GART: variants seen among roughly 807,000 people sequenced by gnomAD.
GART encodes the protein phosphoribosylglycinamide formyltransferase, phosphoribosylglycinamide synthetase, phosphoribosylaminoimidazole synthetase.
A neutral mutation model predicts 107.2 loss-of-function variants in GART; 43 were observed. The ratio of observed to expected loss-of-function variants is 0.40; its 90% CI spans 0.31 to 0.52. The LOEUF (loss-of-function observed/expected upper bound fraction) is 0.52, where lower values mean the gene tolerates loss of function less well. GART is among the 20% of genes least tolerant of loss of function. The probability of loss-of-function intolerance (pLI) is 0.52; values close to 1 mark genes in which losing one functional copy is unlikely to be tolerated. For synonymous variants in GART, 434 were observed against 427.0 expected, an observed-to-expected ratio of 1.02 and a Z score of -0.20; for missense variants, 1,107 against 1,206.5, an observed-to-expected ratio of 0.92 and a Z score of 1.22.
chr21:33,529,194 AGAAAT>A (rs2085135170), intron 7 of GART, among the ~76,000 whole-genome samples: 1 of 152,216 alleles, frequency 6.6e-6, no homozygotes, highest in Non-Finnish European at 1.5e-5. Flanking sequence ...GAAACGTAAT[AGAAAT>A]GAAACAAGTT....
chr21:33,504,368 C>T (rs901006215), intron 21 of GART, 44 bp downstream of exon 21: 3 of 1,608,452 alleles, frequency 1.9e-6, no homozygotes, highest in East Asian at 2.2e-5. Context: ...GTGTCATTTA[C>T]ATCTGACTAC....
rs940059159 is a variant in GART, at chr21:33,534,454, T to G, written c.416+125A>C. On this transcript the variant is annotated intron_variant, in intron 4 of 21. Coordinates refer to ENST00000381815, the MANE Select transcript of GART (RefSeq NM_000819.5). ...CTGGTCTCTAACTCCTGAGCTCAAG[T>G]GATTCACCTGCCTTGGCCTCCCAAA... 4 of 915,648 alleles carry G rather than the reference T, an allele frequency of 4.4e-6. No homozygotes were observed. In the South Asian group the frequency reaches 6.3e-5, roughly 15 times the overall value. 56.7% of individuals were successfully genotyped at this position (915,648 alleles called of 1,614,324 possible).
intron 14 of GART, chr21:33,518,968 TA>T: frequency 2.5e-6 from 1 of 395,292 alleles, no homozygotes; most frequent in Non-Finnish European, 5.0e-6. Context: ...TCTTCATTTG[TA>T]AACATACTCA....
rs1251212910 is a variant in GART at position 33,528,838 on chromosome 21, G to A, written c.811+12C>T. The A allele has an allele frequency of 2.5e-6, 4 of 1,578,428 alleles. 1 individual carries two copies. Among genetic ancestry groups the A allele is most frequent in the Admixed American group, 3.4e-5 (2 of 59,198 alleles). On this transcript the variant is annotated intron_variant, in intron 8 of 21. Transcript: ENST00000381815. Reference sequence around the variant, plus strand: ...CTATAGGTGGCTTCCATAGTAATGTGGGTGGGCCTACCTGTATATGGAGTA... The same window carrying A: ...CTATAGGTGGCTTCCATAGTAATGTAGGTGGGCCTACCTGTATATGGAGTA...
chr21:33,525,227 T>C lies in GART; in HGVS notation c.1067-227A>G, dbSNP rs1366934526. On this transcript the variant is annotated intron_variant, in intron 10 of 21. Transcript: ENST00000381815. ...GAGCAAGACCTCGCCTCTACATAAATAAATAAATAAATAAATAATAATAGC... is the reference window on the plus strand; with the variant it reads ...GAGCAAGACCTCGCCTCTACATAAACAAATAAATAAATAAATAATAATAGC... 2.7e-5 allele frequency among the ~76,000 whole-genome samples: 4 copies of C among 150,784 alleles called. No homozygotes were observed. The Admixed American group carries it at 2.7e-4, about 10-fold the overall frequency.
At chr21:33,519,040 T>C in intron 14 of GART, 1 of 294,524 alleles carries the variant, frequency 3.4e-6, no homozygotes, top group South Asian at 3.2e-5. Flanking sequence ...GAAGTTTTTA[T>C]CATCTGCTGT....
chr21:33,534,482 G>T, intron 4 of GART, 97 bp downstream of exon 4: 1 of 1,323,680 alleles, frequency 7.6e-7, no homozygotes. Context: ...CTCCCAAAGT[G>T]CTGGGATTAC....
intron 14 of GART, among the ~76,000 whole-genome samples, chr21:33,518,369 T>C (rs1214669167): frequency 6.6e-6 from 1 of 151,888 alleles, no homozygotes; most frequent in Non-Finnish European, 1.5e-5. Flanking sequence ...TCCCAGCTAC[T>C]TGGGAGGATG....
intron 18 of GART, among the ~76,000 whole-genome samples, chr21:33,506,330 G>C (rs896218610): frequency 6.6e-6 from 1 of 152,092 alleles, no homozygotes; most frequent in Non-Finnish European, 1.5e-5. Context: ...TTTTAGTAGA[G>C]ATGGGGTTTC....
intron 16 of GART, among the ~76,000 whole-genome samples, chr21:33,512,013 T>G (rs1033985290): frequency 1.3e-5 from 2 of 151,978 alleles, no homozygotes; most frequent in African/African-American, 4.8e-5. Context: ...TCCCAACACT[T>G]TGGATTACAT....
intron 18 of GART, among the ~76,000 whole-genome samples, chr21:33,507,656 C>T (rs1226019126): frequency 6.6e-6 from 1 of 152,034 alleles, no homozygotes; most frequent in East Asian, 1.9e-4. Flanking sequence ...CATGATGAAA[C>T]CCCATCTCTA....
intron 18 of GART, among the ~76,000 whole-genome samples, chr21:33,506,987 G>C (rs532857391): frequency 7.8e-4 from 119 of 152,168 alleles, no homozygotes; most frequent in African/African-American, 2.7e-3. Context: ...AATTATTATG[G>C]AGAACAGTTT....
At chr21:33,509,438 G>T (rs1389646361) in intron 18 of GART, 1 of 191,538 alleles carries the variant, frequency 5.2e-6, no homozygotes. Flanking sequence ...TATCCATAAA[G>T]GTTAAACATA....
chr21:33,530,416 C>T (rs1370035548), intron 7 of GART, among the ~76,000 whole-genome samples: 5 of 152,112 alleles, frequency 3.3e-5, no homozygotes, highest in Non-Finnish European at 7.4e-5. Flanking sequence ...CACACAGATA[C>T]ACACAGACAA....
chr21:33,513,294 G>A (rs1034385667), intron 16 of GART, among the ~76,000 whole-genome samples: 2 of 152,078 alleles, frequency 1.3e-5, no homozygotes, highest in Non-Finnish European at 2.9e-5. Context: ...AAAATGAGGC[G>A]GGTGCAGTGG....
intron 3 of GART, among the ~76,000 whole-genome samples, 173 bp downstream of exon 3, chr21:33,535,052 C>A (rs1162472363): frequency 6.6e-6 from 1 of 152,112 alleles, no homozygotes; most frequent in Non-Finnish European, 1.5e-5. Context: ...TCTAACTCAT[C>A]ATATAACTGA....
At chr21:33,508,814 C>T (rs1313977010) in intron 18 of GART, among the ~76,000 whole-genome samples, 3 of 152,110 alleles carry the variant, frequency 2.0e-5, no homozygotes, top group Non-Finnish European at 4.4e-5. Context: ...AGCACCCGGC[C>T]CTATTGTTTC....
upstream of GART, chr21:33,542,859 C>T: frequency 1.7e-6 from 1 of 583,898 alleles, no homozygotes; most frequent in Non-Finnish European, 3.1e-6. Flanking sequence ...ACATGGCGGA[C>T]ATAGTCGTGC....
chr21:33,524,839 T>A lies in GART; in HGVS notation c.1228A>T (p.Ile410Leu). 1 of 1,614,250 alleles carries A rather than the reference T, an allele frequency of 6.2e-7. No individual in the cohort carries two copies. The highest frequency in any genetic ancestry group is 1.1e-5 in the South Asian group (1 of 91,090). ...CTATAAATTGCTCCCTCAAACTTTA[T>A]AGCAGCTAGTCCTTTCTTGGCTTCC... ...LEEAKKGLAA[I>L]KFEGAIYRKD... The change falls in exon 11 of 22, where the codon ATA becomes TTA. Residue 410 changes from isoleucine to leucine, a missense_variant. Transcript: ENST00000381815.
Sources: allele counts gnomAD v4.1 joint callset (sites outside exome capture counted in the v4.1 genomes callset), GRCh38; gene constraint gnomAD v4.1.1; transcripts MANE v1.5; gene names NCBI Gene and HGNC (gene_info 2026-07-23, HGNC 2026-07-21).